The following GXYLT2 variants were observed in gnomAD, a reference collection of about 807,000 sequenced individuals.
GXYLT2 encodes glucoside xylosyltransferase 2.
GXYLT2 carries 53 observed loss-of-function variants against 45.8 expected under a neutral mutation model. The ratio of observed to expected loss-of-function variants is 1.16; its 90% confidence interval spans 0.93 to 1.46. GXYLT2 has a LOEUF of 1.46. GXYLT2 is among the 40% of genes most tolerant of loss of function. The probability of loss-of-function intolerance (pLI) is 0.00; values close to 1 mark genes in which losing one functional copy is unlikely to be tolerated. For missense variants in GXYLT2, 551 were observed against 544.4 expected, an observed-to-expected ratio of 1.01 and a Z score of -0.12; for synonymous variants, 219 against 214.2, an observed-to-expected ratio of 1.02 and a Z score of -0.19.
intron 1 of GXYLT2, among the ~76,000 whole-genome samples, chr3:72,896,742 T>A (rs1175118509): frequency 6.6e-6 from 1 of 151,680 alleles, no homozygotes; most frequent in Admixed American, 6.6e-5. Flanking sequence ...CCAGCTACTC[T>A]GGAGGCTGAG....
At chr3:72,916,445 C>T (rs528034181) in intron 2 of GXYLT2, among the ~76,000 whole-genome samples, 1 of 151,740 alleles carries the variant, frequency 6.6e-6, no homozygotes, top group East Asian at 1.9e-4. Context: ...ACCTTGACCT[C>T]TCAAAGTGTT....
chr3:72,915,227 G>A (rs1179478902), intron 2 of GXYLT2, among the ~76,000 whole-genome samples: 4 of 151,706 alleles, frequency 2.6e-5, no homozygotes, highest in Non-Finnish European at 5.9e-5. Context: ...AACATGGTGA[G>A]GAGTTGTTTT....
intron 2 of GXYLT2, among the ~76,000 whole-genome samples, chr3:72,919,471 T>C (rs1214328555): frequency 1.3e-5 from 2 of 152,022 alleles, no homozygotes; most frequent in Non-Finnish European, 2.9e-5. Flanking sequence ...AGATCAGTAA[T>C]GGGCTGGGCA....
At chr3:72,963,540 T>C (rs1355975919) in intron 5 of GXYLT2, among the ~76,000 whole-genome samples, 1 of 151,306 alleles carries the variant, frequency 6.6e-6, no homozygotes, top group African/African-American at 2.4e-5. Flanking sequence ...TCTCACCCTG[T>C]TGCCCAGGCT....
intron 3 of GXYLT2, among the ~76,000 whole-genome samples, chr3:72,948,719 C>T (rs1437566330): frequency 6.6e-6 from 1 of 151,748 alleles, no homozygotes; most frequent in Non-Finnish European, 1.5e-5. Context: ...CGCCTGTAAT[C>T]CCAGCTACTT....
Position 72,922,278 on chromosome 3 carries a change from C to A in GXYLT2, c.543C>A (p.Asn181Lys). Residue 181 changes from asparagine (N) to lysine (K), a missense_variant, in exon 3 of 7, where the codon AAC becomes AAA. Coordinates refer to ENST00000389617, the MANE Select transcript of GXYLT2 (RefSeq NM_001080393.2). ...ACCCCATCACATTTTCTGTTGGAAA[C>A]CCTCAGGAGTGGAAGAAATTGTTCA... Reference protein sequence around the residue: ...RIYPITFSVGNPQEWKKLFKP... With the variant: ...RIYPITFSVGKPQEWKKLFKP... 1.2e-6 allele frequency: 2 copies of A among 1,613,790 alleles called. No individual in the cohort carries two copies. Among genetic ancestry groups the A allele is most frequent in the Non-Finnish European group, 1.7e-6 (2 of 1,179,752 alleles).
intron 1 of GXYLT2, among the ~76,000 whole-genome samples, chr3:72,890,680 G>A (rs1003133535): frequency 1.3e-4 from 20 of 152,314 alleles, no homozygotes; most frequent in Non-Finnish European, 1.5e-4. Flanking sequence ...GAACAGTGGC[G>A]CAGCATCTTT....
chr3:72,952,104 G>A (rs1385566156), intron 3 of GXYLT2, among the ~76,000 whole-genome samples: 1 of 151,474 alleles, frequency 6.6e-6, no homozygotes, highest in Non-Finnish European at 1.5e-5. Flanking sequence ...CCGGGCTCAA[G>A]CAATTCTTGT....
intron 3 of GXYLT2, chr3:72,927,127 A>G (rs1219280399): frequency 4.6e-5 from 7 of 151,814 alleles, no homozygotes; most frequent in African/African-American, 1.7e-4. Flanking sequence ...TTGTAGAGAC[A>G]AGAGTCTCAC....
chr3:72,902,712 T>C (rs62249900), intron 1 of GXYLT2, among the ~76,000 whole-genome samples: 42,413 of 150,156 alleles, frequency 0.28, 6,290 homozygotes, highest in Non-Finnish European at 0.33. Flanking sequence ...AAAGGCCAGG[T>C]GCGGTGGCTC....
At chr3:72,893,274 T>G (rs1369969681) in intron 1 of GXYLT2, among the ~76,000 whole-genome samples, 1 of 152,240 alleles carries the variant, frequency 6.6e-6, no homozygotes, top group Non-Finnish European at 1.5e-5. Flanking sequence ...CTTGCTCTGC[T>G]TCAGCCACAC....
intron 3 of GXYLT2, among the ~76,000 whole-genome samples, chr3:72,926,281 A>G (rs1488214321): frequency 6.6e-6 from 1 of 152,188 alleles, no homozygotes; most frequent in Non-Finnish European, 1.5e-5. Flanking sequence ...TCTCAGGTAC[A>G]ATTAGTGTGA....
At chr3:72,955,010 C>T in intron 3 of GXYLT2, 88 bp from the exon 4 acceptor site, 1 of 1,363,036 alleles carries the variant, frequency 7.3e-7, no homozygotes, top group South Asian at 1.4e-5. Flanking sequence ...CATTATTTAC[C>T]TATCAGGCTA....
At position 72,975,251 on chromosome 3, in the gene GXYLT2, A is replaced by G. The variant is rs756871716; in HGVS notation, c.*92A>G. On this transcript the variant is annotated 3_prime_UTR_variant, in exon 7 of 7. Coordinates refer to ENST00000389617, the MANE Select transcript of GXYLT2 (RefSeq NM_001080393.2). ...CTGGGTCTTTTTGTGTGAATATTTA[A>G]TGGTGCTCCATGACTGTTGAGTTTT... 4.6e-4 allele frequency: 429 copies of G among 929,110 alleles called. 1 individual carries two copies. Among genetic ancestry groups the G allele is most frequent in the Non-Finnish European group, 3.6e-4 (231 of 635,184 alleles). 57.6% of individuals were successfully genotyped at this position (929,110 alleles called of 1,614,324 possible). A position where few individuals can be genotyped will look rare whatever the true frequency, so the allele number is the denominator to read the frequency against.
rs1709094991 is a variant in GXYLT2 at position 72,888,047 on chromosome 3, T to C, written c.-187T>C. ...CCCAGCTCTCACCGCCTCCCCCTCC[T>C]CTCCTCTCTCTCCTCCTCCTTCGCC... On this transcript the variant is annotated 5_prime_UTR_variant, in exon 1 of 7. Coordinates refer to ENST00000389617, the MANE Select transcript of GXYLT2 (RefSeq NM_001080393.2). 1 of 175,838 alleles carries C rather than the reference T, an allele frequency of 5.7e-6. No homozygotes were observed. The highest frequency in any genetic ancestry group is 2.5e-5 in the African/African-American group (1 of 40,524). The allele number at this position is 175,838 out of a possible 1,614,324, so 10.9% of individuals were successfully genotyped here.
Position 72,957,316 on chromosome 3 carries a change from C to G in GXYLT2, c.940C>G (p.Gln314Glu). Residue 314 changes from glutamine (Q) to glutamate (E), a missense_variant, in exon 5 of 7, where the codon CAG becomes GAG. Coordinates refer to ENST00000389617, the MANE Select transcript of GXYLT2 (RefSeq NM_001080393.2). Reference protein sequence around the residue: ...KYKNAITWGDQDLLNIIFYFN... With the variant: ...KYKNAITWGDEDLLNIIFYFN... The stretch of plus-strand genomic sequence containing the variant: ...CAAGAATGCCATCACGTGGGGAGAC[C>G]AGGATTTATTAAATATTATTTTTTA... 1 of 1,613,190 alleles carries G rather than the reference C, an allele frequency of 6.2e-7. No homozygotes were observed. The highest frequency in any genetic ancestry group is 8.5e-7 in the Non-Finnish European group (1 of 1,179,538).
chr3:72,915,164 A>G (rs980996830), intron 2 of GXYLT2, among the ~76,000 whole-genome samples: 5 of 151,944 alleles, frequency 3.3e-5, no homozygotes, highest in African/African-American at 1.2e-4. Flanking sequence ...AAGAGCCTGA[A>G]TTGGTTTTAT....
At chr3:72,922,403 G>T in intron 3 of GXYLT2, 68 bp downstream of exon 3, 1 of 1,484,774 alleles carries the variant, frequency 6.7e-7, no homozygotes, top group Non-Finnish European at 9.1e-7. Context: ...GCTGAGATGT[G>T]TGTAGAAACA....
At chr3:72,919,745 ACT>A (rs1460819213) in intron 2 of GXYLT2, among the ~76,000 whole-genome samples, 4 of 152,160 alleles carry the variant, frequency 2.6e-5, no homozygotes, top group Non-Finnish European at 5.9e-5. Context: ...ACAGCGCGAG[ACT>A]CTGTCTCAAA....
Sources: allele counts gnomAD v4.1 joint callset (sites outside exome capture counted in the v4.1 genomes callset), GRCh38; gene constraint gnomAD v4.1.1; transcripts MANE v1.5; gene names NCBI Gene and HGNC (gene_info 2026-07-23, HGNC 2026-07-21).